BEND4: variants seen among roughly 807,000 people sequenced by gnomAD.
The protein encoded by BEND4 is BEN domain containing 4.
Under a neutral mutation model 54.7 loss-of-function variants are expected in BEND4, and 27 were observed. That is an observed-to-expected ratio of 0.49 (90% CI 0.36 to 0.68). The LOEUF is 0.68. Among genes scored for constraint, BEND4 ranks in the 30% least tolerant of loss-of-function variants. The pLI, the probability that BEND4 is intolerant of heterozygous loss-of-function variation, is 0.00. For missense variants in BEND4, 702 were observed against 697.2 expected, an observed-to-expected ratio of 1.01 and a Z score of -0.08; for synonymous variants, 327 against 299.5, an observed-to-expected ratio of 1.09 and a Z score of -0.95.
rs1721293860 is a variant in BEND4, at chr4:42,151,711, C to T, written c.433G>A (p.Ala145Thr). ...CTACCCGTGCCGCCGGTGCCGGCGGCCGCCGCCGCGCCTGGGCCATACCTG... is the reference window on the plus strand; with the variant it reads ...CTACCCGTGCCGCCGGTGCCGGCGGTCGCCGCCGCGCCTGGGCCATACCTG... ...VVRYGPGAAA[A>T]AGTGGTGSDS... Residue 145 changes from alanine to threonine, a missense_variant, in exon 2 of 6, where the codon GCC (alanine) becomes ACC (threonine). Ala to Thr is a moderately conservative substitution (Grantham distance 58). Transcript: ENST00000502486. 6.7e-7 allele frequency: 1 copy of T among 1,502,542 alleles called. No homozygotes were observed. The highest frequency in any genetic ancestry group is 8.8e-7 in the Non-Finnish European group (1 of 1,130,686). 93.1% of individuals were successfully genotyped at this position (1,502,542 alleles called of 1,614,324 possible). A position where few individuals can be genotyped will look rare whatever the true frequency, so the allele number is the denominator to read the frequency against.
chr4:42,123,218 A>G (rs1016686998), intron 4 of BEND4, among the ~76,000 whole-genome samples: 75 of 152,234 alleles, frequency 4.9e-4, no homozygotes, highest in Middle Eastern at 3.2e-3. Context: ...GATAAATAAT[A>G]AAAACGAGAA....
At chr4:42,149,177 A>C (rs1215793391) in intron 2 of BEND4, among the ~76,000 whole-genome samples, 1 of 152,022 alleles carries the variant, frequency 6.6e-6, no homozygotes, top group African/African-American at 2.4e-5. Flanking sequence ...TGCAACAGGC[A>C]AAGCGCCGCT....
intron 3 of BEND4, among the ~76,000 whole-genome samples, chr4:42,136,260 C>T (rs1271112441): frequency 6.6e-6 from 1 of 152,156 alleles, no homozygotes; most frequent in Admixed American, 6.5e-5. Context: ...ACTGCATCTA[C>T]TCTAAGGGCG....
At chr4:42,118,311 T>C (rs1719925126) in intron 5 of BEND4, among the ~76,000 whole-genome samples, 1 of 152,214 alleles carries the variant, frequency 6.6e-6, no homozygotes, top group South Asian at 2.1e-4. Flanking sequence ...GGCTGACAAA[T>C]ATTTTTTACG....
chr4:42,121,971 C>T (rs889138134), intron 4 of BEND4, among the ~76,000 whole-genome samples: 1 of 152,220 alleles, frequency 6.6e-6, no homozygotes, highest in Non-Finnish European at 1.5e-5. Context: ...CTGAGAGGAA[C>T]AGGCTCCTAA....
chr4:42,151,524 C>A, intron 2 of BEND4, 133 bp downstream of exon 2: 1 of 939,592 alleles, frequency 1.1e-6, no homozygotes, highest in Non-Finnish European at 1.4e-6. Flanking sequence ...CGCGGGGAGG[C>A]CCCAGGTGCG....
intron 5 of BEND4, among the ~76,000 whole-genome samples, chr4:42,118,233 G>C (rs1460698612): frequency 6.6e-6 from 1 of 152,076 alleles, no homozygotes; most frequent in Non-Finnish European, 1.5e-5. Flanking sequence ...TTCAGAAAAG[G>C]TACCCATGTT....
intron 2 of BEND4, among the ~76,000 whole-genome samples, chr4:42,150,643 T>C (rs1721235629): frequency 6.6e-6 from 1 of 152,260 alleles, no homozygotes; most frequent in African/African-American, 2.4e-5. Context: ...TAAACGTGGC[T>C]GCACCCACTG....
At chr4:42,138,812 A>G (rs904623609) in intron 3 of BEND4, among the ~76,000 whole-genome samples, 2 of 152,214 alleles carry the variant, frequency 1.3e-5, no homozygotes, top group African/African-American at 2.4e-5. Context: ...GACTTTTCTT[A>G]GCAAAAATTA....
intron 2 of BEND4, among the ~76,000 whole-genome samples, chr4:42,148,448 G>T (rs1445783465): frequency 2.6e-5 from 4 of 152,168 alleles, no homozygotes. Context: ...TGGACCATCG[G>T]TATATAAAAT....
chr4:42,144,550 T>C (rs1450708079), intron 2 of BEND4, among the ~76,000 whole-genome samples: 1 of 152,250 alleles, frequency 6.6e-6, no homozygotes, highest in Non-Finnish European at 1.5e-5. Flanking sequence ...AGTAGGCCTA[T>C]GGGCACAGGA....
rs1466470192 is a variant in BEND4 at position 42,128,346 on chromosome 4, A to G, written c.1055-2672T>C. 5.9e-5 allele frequency among the ~76,000 whole-genome samples: 9 copies of G among 152,232 alleles called. No homozygotes were observed. The East Asian group carries it at 1.7e-3, about 29-fold the overall frequency. ...AACACAGTATTGAAAGTTCTGGGCC[A>G]GGCACAGTGGCTCACGCCTGTTATC... On this transcript the variant is annotated intron_variant, in intron 3 of 5. Transcript: ENST00000502486.
At chr4:42,135,754 G>A (rs1286968728) in intron 3 of BEND4, among the ~76,000 whole-genome samples, 2 of 152,026 alleles carry the variant, frequency 1.3e-5, no homozygotes, top group African/African-American at 2.4e-5. Context: ...CAGCCTGGGC[G>A]ACAGAGCAAG....
intron 3 of BEND4, among the ~76,000 whole-genome samples, chr4:42,141,912 T>A (rs1330340905): frequency 1.4e-5 from 2 of 146,836 alleles, no homozygotes; most frequent in Non-Finnish European, 3.0e-5. Flanking sequence ...AGCTTAAACA[T>A]TTTTTTTTTT....
chr4:42,150,598 G>A (rs1721233706), intron 2 of BEND4, among the ~76,000 whole-genome samples: 1 of 152,198 alleles, frequency 6.6e-6, no homozygotes. Context: ...TGCCATAAAA[G>A]GCCTTGGCAG....
intron 4 of BEND4, among the ~76,000 whole-genome samples, chr4:42,121,644 G>C (rs1026151737): frequency 6.6e-6 from 1 of 152,168 alleles, no homozygotes. Context: ...TGGACCCTGT[G>C]TATAAGAGAC....
intron 3 of BEND4, among the ~76,000 whole-genome samples, chr4:42,142,464 AAT>A (rs928403307): frequency 2.3e-4 from 28 of 121,192 alleles, no homozygotes; most frequent in Non-Finnish European, 2.5e-4. Flanking sequence ...TACTAAAAAA[AAT>A]ATATATATAT....
In BEND4 at chr4:42,117,364, C is replaced by A. The variant is rs1005263356; in HGVS notation, c.*154G>T. On this transcript the variant is annotated 3_prime_UTR_variant, in exon 6 of 6. Transcript: ENST00000502486. ...TAGGTGCCACAGACTTCCCAAACAA[C>A]CCTAAAATGGATTTCTATTTGGGTA... 8.2e-6 allele frequency: 5 copies of A among 606,658 alleles called. No homozygotes were observed. The highest frequency in any genetic ancestry group is 1.4e-5 in the Non-Finnish European group (5 of 345,982). The allele number at this position is 606,658 out of a possible 1,614,324, so 37.6% of individuals were successfully genotyped here. A position where few individuals can be genotyped will look rare whatever the true frequency, so the allele number is the denominator to read the frequency against.
chr4:42,144,229 G>A, intron 2 of BEND4: 1 of 579,874 alleles, frequency 1.7e-6, no homozygotes, highest in Non-Finnish European at 3.0e-6. Context: ...GAAACGGCTG[G>A]ACTGTGACTT....
Sources: allele counts gnomAD v4.1 joint callset (sites outside exome capture counted in the v4.1 genomes callset), GRCh38; gene constraint gnomAD v4.1.1; transcripts MANE v1.5; gene names NCBI Gene and HGNC (gene_info 2026-07-23, HGNC 2026-07-21).